The following CTNNA3 variants were observed in gnomAD, a reference collection of about 807,000 sequenced individuals.
The protein encoded by CTNNA3 is catenin alpha 3, also known as catenin alpha-3.
A neutral mutation model predicts 95.7 loss-of-function variants in CTNNA3; 76 were observed. The ratio of observed to expected loss-of-function variants is 0.79; its 90% CI spans 0.66 to 0.96. CTNNA3 has a LOEUF of 0.96. Ranked by LOEUF, CTNNA3 falls within the 40% of genes least tolerant of loss-of-function variation. The pLI, the probability that CTNNA3 is intolerant of heterozygous loss-of-function variation, is 0.00. For missense variants in CTNNA3, 1,191 were observed against 1,089.8 expected (o/e 1.09, Z -1.31); for synonymous variants, 431 against 374.4 (o/e 1.15, Z -1.74).
intron 10 of CTNNA3, among the ~76,000 whole-genome samples, chr10:66,613,851 G>A (rs1484595293): frequency 6.6e-6 from 1 of 151,906 alleles, no homozygotes; most frequent in African/African-American, 2.4e-5. Context: ...ATTTTACATT[G>A]AATATTTGGG....
intron 9 of CTNNA3, among the ~76,000 whole-genome samples, chr10:66,692,025 G>A (rs1164496851): frequency 6.6e-6 from 1 of 152,140 alleles, no homozygotes; most frequent in Non-Finnish European, 1.5e-5. Context: ...ATAAAAGGAA[G>A]AAAAACTGGA....
intron 5 of CTNNA3, among the ~76,000 whole-genome samples, chr10:67,333,636 T>G (rs2132590719): frequency 6.6e-6 from 1 of 152,274 alleles, no homozygotes; most frequent in African/African-American, 2.4e-5. Flanking sequence ...GCATGGAAAT[T>G]TCATACCCAT....
chr10:66,045,740 A>G (rs752132784), intron 15 of CTNNA3, among the ~76,000 whole-genome samples: 3 of 152,166 alleles, frequency 2.0e-5, no homozygotes, highest in Admixed American at 6.5e-5. Flanking sequence ...AAATATGAGT[A>G]TTCCTTTTTT....
intron 12 of CTNNA3, among the ~76,000 whole-genome samples, chr10:66,315,540 G>T (rs7094708): frequency 0.31 from 46,999 of 151,490 alleles, 8,211 homozygotes; most frequent in Non-Finnish European, 0.39. Flanking sequence ...GTAAATAAGT[G>T]CTATGGTTTG....
In CTNNA3 at chr10:67,753,650, G is replaced by A. The variant is rs147402635; in HGVS notation, c.-2+9784C>T. Reference sequence around the variant, plus strand: ...AACAAAAAACCCCATCAAAAAGTAGGCAAAGGACGTGAACAGACACTTCTC... The same window carrying A: ...AACAAAAAACCCCATCAAAAAGTAGACAAAGGACGTGAACAGACACTTCTC... On this transcript the variant is annotated intron_variant, in intron 1 of 17. Coordinates refer to the CTNNA3 transcript ENST00000684154. Among the ~76,000 whole-genome samples, 374 of 152,218 alleles carry A rather than the reference G, an allele frequency of 2.5e-3. 2 individuals carry two copies. Among genetic ancestry groups the A allele is most frequent in the African/African-American group, 8.5e-3 (352 of 41,524 alleles).
At chr10:66,343,969 G>A (rs1056863252) in intron 12 of CTNNA3, among the ~76,000 whole-genome samples, 9 of 151,942 alleles carry the variant, frequency 5.9e-5, no homozygotes, top group Non-Finnish European at 8.8e-5. Context: ...GCTCATGCCT[G>A]TAATCTGAGC....
rs181302304 is a variant in CTNNA3, at chr10:67,757,908, C to T, written c.-2+5526G>A. Among the ~76,000 whole-genome samples, 22 of 152,150 alleles carry T rather than the reference C, an allele frequency of 1.4e-4. No individual in the cohort carries two copies. The East Asian group carries it at 3.9e-3, about 27-fold the overall frequency. ...AGAGAACCCTGATTAATACAGATGTCCAGATATCTGGTAAAATGTTATCTA... is the reference window on the plus strand; with the variant it reads ...AGAGAACCCTGATTAATACAGATGTTCAGATATCTGGTAAAATGTTATCTA... On this transcript the variant is annotated intron_variant, in intron 1 of 17. Transcript: ENST00000684154.
At chr10:66,794,707 T>C (rs562327057) in intron 7 of CTNNA3, among the ~76,000 whole-genome samples, 15 of 152,110 alleles carry the variant, frequency 9.9e-5, no homozygotes, top group Non-Finnish European at 1.0e-4. Flanking sequence ...AAGAAAGAGT[T>C]CCCTGTAGAT....
At chr10:67,744,916 C>G (rs1295686586) in intron 1 of CTNNA3, among the ~76,000 whole-genome samples, 3 of 152,072 alleles carry the variant, frequency 2.0e-5, no homozygotes, top group East Asian at 1.9e-4. Context: ...AAATGCTCAT[C>G]ATCACTGGCC....
chr10:66,676,789 G>A (rs1846872067), intron 9 of CTNNA3, among the ~76,000 whole-genome samples: 1 of 152,156 alleles, frequency 6.6e-6, no homozygotes, highest in African/African-American at 2.4e-5. Flanking sequence ...CAGCAAGAAT[G>A]GAGTTTAGAG....
intron 11 of CTNNA3, among the ~76,000 whole-genome samples, chr10:66,427,656 G>C (rs1416201522): frequency 2.0e-5 from 3 of 151,812 alleles, no homozygotes; most frequent in African/African-American, 7.2e-5. Flanking sequence ...CAGCATATGA[G>C]TGATATCTGC....
intron 15 of CTNNA3, among the ~76,000 whole-genome samples, chr10:66,059,590 T>A (rs1229239227): frequency 6.6e-6 from 1 of 152,124 alleles, no homozygotes; most frequent in East Asian, 1.9e-4. Context: ...TTGCTGCCCA[T>A]CTCCTTGTTC....
At chr10:66,075,728 A>C (rs542401292) in intron 14 of CTNNA3, among the ~76,000 whole-genome samples, 1 of 151,884 alleles carries the variant, frequency 6.6e-6, no homozygotes, top group South Asian at 2.1e-4. Flanking sequence ...TTTGCAGATA[A>C]GAAAATTGTC....
At chr10:65,984,202 A>AT (rs1163006126) in intron 16 of CTNNA3, among the ~76,000 whole-genome samples, 3 of 151,252 alleles carry the variant, frequency 2.0e-5, no homozygotes, top group Non-Finnish European at 3.0e-5. Context: ...GTTCCAGCAG[A>AT]TTTTTTTCAT....
chr10:66,745,802 T>C (rs1283820345), intron 9 of CTNNA3, among the ~76,000 whole-genome samples: 1 of 150,748 alleles, frequency 6.6e-6, no homozygotes, highest in African/African-American at 2.4e-5. Context: ...AGTTTCACTG[T>C]GTTAGCCAGG....
chr10:65,962,477 A>G lies in CTNNA3; in HGVS notation c.2400+4135T>C, dbSNP rs554207662. 2.0e-5 allele frequency among the ~76,000 whole-genome samples: 3 copies of G among 152,226 alleles called. No homozygotes were observed. The East Asian group carries it at 5.8e-4, about 29-fold the overall frequency. ...TGCTTCTAAACATATTTTCCTCAGA[A>G]TTGTTCCTTGTATAGATACACTCCT... On this transcript the variant is annotated intron_variant, in intron 17 of 17. Transcript: ENST00000433211.
intron 11 of CTNNA3, among the ~76,000 whole-genome samples, chr10:66,452,022 T>C (rs921851293): frequency 6.6e-6 from 1 of 152,168 alleles, no homozygotes; most frequent in African/African-American, 2.4e-5. Context: ...TATTTCTGAA[T>C]GGTTCCCTGG....
At chr10:67,207,426 TATAAA>T (rs1320673916) in intron 6 of CTNNA3, among the ~76,000 whole-genome samples, 1 of 152,170 alleles carries the variant, frequency 6.6e-6, no homozygotes, top group Non-Finnish European at 1.5e-5. Context: ...GATAGAACTT[TATAAA>T]ATAAAGAACT....
At chr10:66,017,850 T>G (rs891005275) in intron 15 of CTNNA3, among the ~76,000 whole-genome samples, 19 of 152,120 alleles carry the variant, frequency 1.2e-4, no homozygotes, top group Non-Finnish European at 2.4e-4. Flanking sequence ...ATGGGCTGTT[T>G]GGTTCTAATC....
Sources: allele counts gnomAD v4.1 joint callset (sites outside exome capture counted in the v4.1 genomes callset), GRCh38; gene constraint gnomAD v4.1.1; transcripts MANE v1.5; gene names NCBI Gene and HGNC (gene_info 2026-07-23, HGNC 2026-07-21).